Variants in EP400 observed in about 807,000 individuals in gnomAD.
The protein encoded by EP400 is E1A binding protein p400, also known as E1A-binding protein p400.
EP400 carries 105 observed loss-of-function variants against 354.1 expected under a neutral mutation model. The ratio of observed to expected loss-of-function variants is 0.30; its 90% CI spans 0.25 to 0.35. The LOEUF (loss-of-function observed/expected upper bound fraction) is 0.35, where lower values mean the gene tolerates loss of function less well. Among genes scored for constraint, EP400 ranks in the 10% least tolerant of loss-of-function variants. EP400 has a pLI of 1.00. For synonymous variants in EP400, 1,646 were observed against 1,716.9 expected (o/e 0.96, Z 1.02); for missense variants, 3,280 against 4,121.0 (o/e 0.80, Z 5.59).
intron 19 of EP400, among the ~76,000 whole-genome samples, chr12:132,016,879 C>G (rs965958370): frequency 6.6e-6 from 1 of 152,202 alleles, no homozygotes; most frequent in African/African-American, 2.4e-5. Context: ...TCTCTCCTCC[C>G]TCCTCTTCCC....
At chr12:132,053,058 C>G (rs1054143817) in intron 41 of EP400, 88 bp from the exon 42 acceptor site, 17 of 1,412,606 alleles carry the variant, frequency 1.2e-5, no homozygotes, top group Middle Eastern at 3.5e-4. Flanking sequence ...TGCCCCAGCA[C>G]CTGGCAGCAT....
intron 47 of EP400, among the ~76,000 whole-genome samples, chr12:132,063,662 C>T (rs568350037): frequency 2.1e-4 from 32 of 152,290 alleles, no homozygotes; most frequent in East Asian, 5.8e-4. Context: ...TGGGCCTCTC[C>T]GTGGTCTGGA....
At chr12:132,069,435 T>TC in intron 50 of EP400, 60 bp from the exon 51 acceptor site, 1 of 1,584,384 alleles carries the variant, frequency 6.3e-7, no homozygotes, top group Admixed American at 1.7e-5. Flanking sequence ...CGGGCAGGCG[T>TC]CCCGGGAGTC....
chr12:132,000,485 T>C (rs1893369806), intron 12 of EP400, among the ~76,000 whole-genome samples: 1 of 152,234 alleles, frequency 6.6e-6, no homozygotes, highest in Non-Finnish European at 1.5e-5. Context: ...ACTTGTTGAT[T>C]GCATTATCCA....
intron 2 of EP400, chr12:131,963,464 A>G: frequency 1.6e-6 from 2 of 1,222,184 alleles, no homozygotes; most frequent in Non-Finnish European, 2.3e-6. Flanking sequence ...CAGCAATAAA[A>G]TTCTAACAAA....
chr12:132,052,514 C>T lies in EP400; in HGVS notation c.7395-632C>T, dbSNP rs545950733. On this transcript the variant is annotated intron_variant, in intron 41 of 52. Coordinates refer to ENST00000389561, the MANE Select transcript of EP400 (RefSeq NM_015409.5). This position sits in a 1 kb window ranked among gnomAD's most constrained non-coding sequence, Gnocchi z 4.4. Reference sequence around the variant, plus strand: ...TTTCAGAGCGCACTGTTGAGAATTGCAGCCCCGCCCTGCTGTTTTCCTCCA... The same window carrying T: ...TTTCAGAGCGCACTGTTGAGAATTGTAGCCCCGCCCTGCTGTTTTCCTCCA... Among the ~76,000 whole-genome samples the T allele has an allele frequency of 6.6e-6, 1 of 152,344 alleles. No homozygotes were observed. The highest frequency in any genetic ancestry group is 1.5e-5 in the Non-Finnish European group (1 of 68,030).
intron 32 of EP400, among the ~76,000 whole-genome samples, chr12:132,039,428 A>T (rs1894821276): frequency 6.6e-6 from 1 of 152,144 alleles, no homozygotes; most frequent in African/African-American, 2.4e-5. Context: ...GGCAGGCAGC[A>T]GGCTCCCTTT....
rs866736750 is a variant in EP400 at position 132,025,348 on chromosome 12, C to T, written c.4856-298C>T. The stretch of plus-strand genomic sequence containing the variant: ...GGGAGTGGGGATGTCCGCCTCAGTA[C>T]CTCGAACAGCATGGCAGGTCCTCAG... On this transcript the variant is annotated intron_variant, in intron 24 of 52. Transcript: ENST00000389561. The surrounding 1 kb of genome is among the most constrained non-coding windows in gnomAD (Gnocchi z 4.1). 6.6e-6 allele frequency among the ~76,000 whole-genome samples: 1 copy of T among 152,154 alleles called. No homozygotes were observed.
At chr12:132,060,932 AAAAAC>A (rs1286199733) in intron 45 of EP400, among the ~76,000 whole-genome samples, 4 of 152,028 alleles carry the variant, frequency 2.6e-5, no homozygotes, top group South Asian at 2.1e-4. Flanking sequence ...AAAAAAAACA[AAAAAC>A]AAAACAAAAC....
rs371280534 is a variant in EP400, at chr12:132,074,702, C to T, written c.9022-1814C>T. Among the ~76,000 whole-genome samples the T allele has an allele frequency of 9.2e-5, 14 of 152,202 alleles. No individual in the cohort carries two copies. In the East Asian group the frequency reaches 1.7e-3, roughly 19 times the overall value. ...GTACTATATTCTGAGTCATGTCTTT[C>T]GCTCTGTCTCCTCAGTCACTCATTT... is the stretch of plus-strand genomic sequence containing the variant. On this transcript the variant is annotated intron_variant, in intron 51 of 52. Transcript: ENST00000389561.
At position 132,021,244 on chromosome 12, in the gene EP400, C is replaced by T; in HGVS notation, c.4613C>T (p.Ala1538Val). 5 of 1,552,220 alleles carry T rather than the reference C, an allele frequency of 3.2e-6. No homozygotes were observed. The highest frequency in any genetic ancestry group is 4.3e-6 in the Non-Finnish European group (5 of 1,155,438). ...TPGQPPPQPQ[A>V]PSHAAGQSAL... ...GGCCAGCCCCCGCCCCAGCCCCAGGCCCCCTCGCACGCGGCCGGGCAGAGC... is the reference window on the plus strand; with the variant it reads ...GGCCAGCCCCCGCCCCAGCCCCAGGTCCCCTCGCACGCGGCCGGGCAGAGC... The change falls in exon 23 of 53, where the codon GCC (alanine) becomes GTC (valine). Residue 1538 changes from alanine to valine, a missense_variant. Around this residue, in one of 20 missense-constraint regions of EP400, gnomAD observed 342 missense variants for 342.7 expected, o/e 1.00. Transcript: ENST00000389561.
Position 132,013,398 on chromosome 12 carries a change from T to C in EP400, c.3612-92T>C. ...GTTGACATTTGCGGTGTCAAATTAC[T>C]GTCCCTTTTCTCACACATTGTCAGA... On this transcript the variant is annotated intron_variant, in intron 17 of 52. Transcript: ENST00000389561. The surrounding 1 kb of genome is among the most constrained non-coding windows in gnomAD (Gnocchi z 4.5). The C allele has an allele frequency of 6.8e-7, 1 of 1,473,236 alleles. No individual in the cohort carries two copies. Among genetic ancestry groups the C allele is most frequent in the Non-Finnish European group, 9.1e-7 (1 of 1,098,830 alleles). 91.3% of individuals were successfully genotyped at this position (1,473,236 alleles called of 1,614,324 possible). A position where few individuals can be genotyped will look rare whatever the true frequency, so the allele number is the denominator to read the frequency against.
intron 32 of EP400, among the ~76,000 whole-genome samples, chr12:132,042,982 C>G (rs1894964593): frequency 6.6e-6 from 1 of 152,236 alleles, no homozygotes; most frequent in Non-Finnish European, 1.5e-5. Flanking sequence ...TTGGGCCTTT[C>G]TTGTTCTCCA....
At chr12:132,023,997 T>G in intron 24 of EP400, 56 bp downstream of exon 24, 1 of 1,479,524 alleles carries the variant, frequency 6.8e-7, no homozygotes, top group South Asian at 1.4e-5. Flanking sequence ...CGCCTCACCA[T>G]GAGCCCTGCT....
intron 47 of EP400, 114 bp downstream of exon 47, chr12:132,062,815 T>A: frequency 7.6e-7 from 1 of 1,308,472 alleles, no homozygotes; most frequent in Non-Finnish European, 1.1e-6. Context: ...TGCAAACGTC[T>A]AGCACTGCCT....
At chr12:131,967,241 C>T (rs1342206704) in intron 2 of EP400, among the ~76,000 whole-genome samples, 1 of 149,686 alleles carries the variant, frequency 6.7e-6, no homozygotes, top group African/African-American at 2.5e-5. Flanking sequence ...ATCAGCTGGG[C>T]GTGGTAGTGG....
rs889938830 is a variant in EP400, at chr12:132,018,633, T to C, written c.4277+257T>C. Among the ~76,000 whole-genome samples, 3 of 152,128 alleles carry C rather than the reference T, an allele frequency of 2.0e-5. No individual in the cohort carries two copies. The highest frequency in any genetic ancestry group is 7.2e-5 in the African/African-American group (3 of 41,416). On this transcript the variant is annotated intron_variant, in intron 21 of 52. Coordinates refer to ENST00000389561, the MANE Select transcript of EP400 (RefSeq NM_015409.5). The surrounding 1 kb of genome is among the most constrained non-coding windows in gnomAD (Gnocchi z 4.0). The stretch of plus-strand genomic sequence containing the variant: ...TGCAGCAGTTTTAGGGTAGGGTGGG[T>C]GTCAGGGCTGCATTTGACCTGGTGC...
chr12:131,962,034 T>G (rs1168186446), intron 2 of EP400, 80 bp downstream of exon 2: 7 of 1,457,678 alleles, frequency 4.8e-6, no homozygotes, highest in African/African-American at 1.4e-5. Flanking sequence ...AAGTAATAAT[T>G]TATTGAGCCT....
chr12:132,036,141 A>C (rs935972870), intron 30 of EP400, among the ~76,000 whole-genome samples: 3 of 140,314 alleles, frequency 2.1e-5, no homozygotes, highest in Non-Finnish European at 3.0e-5. Flanking sequence ...TGTGGAACAC[A>C]CCCAGGTTCA....
Sources: gnomAD v4.1 joint callset for allele counts (sites outside exome capture counted in the v4.1 genomes callset) on GRCh38, gnomAD v4.1.1 for gene constraint, gnomAD v4.1.1 regional missense constraint, Gnocchi (gnomAD v3.1) non-coding constraint, MANE v1.5 for transcripts, NCBI Gene and HGNC (gene_info 2026-07-23, HGNC 2026-07-21) for gene names.